The following CALD1 variants were observed in gnomAD, a reference collection of about 807,000 sequenced individuals.
CALD1 encodes the protein caldesmon.
CALD1 carries 33 observed loss-of-function variants against 99.9 expected under a neutral mutation model. That is an observed-to-expected ratio of 0.33 (90% CI 0.25 to 0.44). The LOEUF is 0.44. Among genes scored for constraint, CALD1 ranks in the 20% least tolerant of loss-of-function variants. CALD1 has a pLI of 1.00. For missense variants in CALD1, 861 were observed against 962.1 expected, an observed-to-expected ratio of 0.89 and a Z score of 1.39; for synonymous variants, 310 against 325.0, an observed-to-expected ratio of 0.95 and a Z score of 0.50.
the CALD1 span, among the ~76,000 whole-genome samples, chr7:134,737,187 C>T: frequency 5.3e-5 from 8 of 152,264 alleles, no homozygotes; most frequent in East Asian, 1.4e-3. Context: ...TGCAGTGGCA[C>T]TATCACAGTT....
chr7:134,726,928 C>A, the CALD1 span, among the ~76,000 whole-genome samples: 5 of 152,170 alleles, frequency 3.3e-5, no homozygotes, highest in Admixed American at 6.5e-5. Flanking sequence ...TGCTCCTCAG[C>A]CACTGTTGTC....
intron 1 of CALD1, among the ~76,000 whole-genome samples, chr7:134,773,609 T>A (rs1244116126): frequency 6.6e-6 from 1 of 152,184 alleles, no homozygotes; most frequent in Non-Finnish European, 1.5e-5. Flanking sequence ...TGAATTTTTG[T>A]AAATTTCTGC....
chr7:134,838,141 A>T (rs1799517338), intron 1 of CALD1, among the ~76,000 whole-genome samples: 1 of 152,126 alleles, frequency 6.6e-6, no homozygotes, highest in African/African-American at 2.4e-5. Context: ...CTAACATATT[A>T]TCATATTAAT....
At chr7:134,889,969 C>T (rs1002365337) in intron 3 of CALD1, among the ~76,000 whole-genome samples, 1 of 152,036 alleles carries the variant, frequency 6.6e-6, no homozygotes, top group African/African-American at 2.4e-5. Context: ...AGTGCAGTGG[C>T]GCCATCTCAG....
intron 3 of CALD1, among the ~76,000 whole-genome samples, chr7:134,924,560 A>G (rs1438206998): frequency 6.6e-6 from 1 of 152,174 alleles, no homozygotes; most frequent in African/African-American, 2.4e-5. Context: ...AATTTTACCT[A>G]TAAAGTCAAC....
chr7:134,868,708 A>C (rs1196817196), intron 3 of CALD1, among the ~76,000 whole-genome samples: 1 of 152,218 alleles, frequency 6.6e-6, no homozygotes, highest in Non-Finnish European at 1.5e-5. Context: ...CAAAAGCAAA[A>C]GATAAAATAA....
intron 1 of CALD1, among the ~76,000 whole-genome samples, chr7:134,839,575 T>G (rs1799572040): frequency 6.6e-6 from 1 of 152,234 alleles, no homozygotes. Flanking sequence ...ATTTATGTCT[T>G]TTAAATTTTA....
chr7:134,912,065 C>T (rs996199540), intron 3 of CALD1, among the ~76,000 whole-genome samples: 9 of 151,594 alleles, frequency 5.9e-5, no homozygotes, highest in African/African-American at 1.9e-4. Flanking sequence ...TAAGTGTAAT[C>T]AAAGAGAGCA....
chr7:134,959,331 T>C (rs1160834908), intron 11 of CALD1, among the ~76,000 whole-genome samples: 1 of 151,994 alleles, frequency 6.6e-6, no homozygotes, highest in Non-Finnish European at 1.5e-5. Flanking sequence ...AGCACGACTG[T>C]ATCCCCAGAG....
At chr7:134,839,508 G>A (rs1799568843) in intron 1 of CALD1, among the ~76,000 whole-genome samples, 1 of 152,154 alleles carries the variant, frequency 6.6e-6, no homozygotes, top group African/African-American at 2.4e-5. Flanking sequence ...AAGTGATTTT[G>A]CCAATTTATA....
chr7:134,738,902 A>G, the CALD1 span, among the ~76,000 whole-genome samples: 1 of 152,224 alleles, frequency 6.6e-6, no homozygotes, highest in African/African-American at 2.4e-5. Flanking sequence ...TCCACTAATC[A>G]TTTTGGGTAT....
intron 2 of CALD1, among the ~76,000 whole-genome samples, chr7:134,854,550 T>G (rs544390386): frequency 6.6e-6 from 1 of 152,146 alleles, no homozygotes; most frequent in Non-Finnish European, 1.5e-5. Context: ...AATGACACAC[T>G]CACATTCATT....
At chr7:134,871,074 T>C (rs1801050250) in intron 3 of CALD1, among the ~76,000 whole-genome samples, 1 of 152,180 alleles carries the variant, frequency 6.6e-6, no homozygotes, top group African/African-American at 2.4e-5. Flanking sequence ...TTCCTTTAGC[T>C]CCAGACCTTG....
intron 3 of CALD1, among the ~76,000 whole-genome samples, chr7:134,894,856 C>T (rs1489283176): frequency 6.6e-6 from 1 of 152,116 alleles, no homozygotes; most frequent in South Asian, 2.1e-4. Flanking sequence ...TTACTTGCAA[C>T]AAGATTTGGG....
At chr7:134,732,514 G>A in the CALD1 span, among the ~76,000 whole-genome samples, 10 of 152,320 alleles carry the variant, frequency 6.6e-5, no homozygotes, top group East Asian at 1.9e-3. Context: ...AGGACTCACA[G>A]AAGGTGCCAT....
chr7:134,942,828 T>TAACAATTAGCA (rs1313104460), intron 7 of CALD1, among the ~76,000 whole-genome samples: 1 of 152,206 alleles, frequency 6.6e-6, no homozygotes, highest in Non-Finnish European at 1.5e-5. Flanking sequence ...AAAGTCTGTT[T>TAACAATTAGCA]AACAATTAGC....
chr7:134,935,621 G>C, intron 5 of CALD1, 67 bp from the exon 6 acceptor site: 1 of 1,540,198 alleles, frequency 6.5e-7, no homozygotes, highest in Non-Finnish European at 8.7e-7. Context: ...CGAGCACCCT[G>C]TCACTCTTGT....
At chr7:134,780,932 T>A (rs933865554) in intron 1 of CALD1, among the ~76,000 whole-genome samples, 4 of 152,230 alleles carry the variant, frequency 2.6e-5, no homozygotes, top group Non-Finnish European at 5.9e-5. Flanking sequence ...CAGCTGCAAA[T>A]GACTGATTCA....
chr7:134,954,354 T>C (rs2133193692), intron 9 of CALD1, among the ~76,000 whole-genome samples: 1 of 152,348 alleles, frequency 6.6e-6, no homozygotes, highest in Non-Finnish European at 1.5e-5. Context: ...CTAAAACGAA[T>C]GGTGTGCTTT....
Sources: allele counts gnomAD v4.1 joint callset (sites outside exome capture counted in the v4.1 genomes callset), GRCh38; gene constraint gnomAD v4.1.1; transcripts MANE v1.5; gene names NCBI Gene and HGNC (gene_info 2026-07-23, HGNC 2026-07-21).